The following EML6 variants were observed in gnomAD, a reference collection of about 807,000 sequenced individuals.
EML6 encodes EMAP like 6, also known as echinoderm microtubule-associated protein-like 6.
A neutral mutation model predicts 240.1 loss-of-function variants in EML6; 154 were observed. The observed-to-expected ratio is 0.64, with a 90% CI of 0.56 to 0.73. The LOEUF is 0.73. Among genes scored for constraint, EML6 ranks in the 30% least tolerant of loss-of-function variants. EML6 has a pLI of 0.00. For missense variants in EML6, 2,964 were observed against 2,474.6 expected (o/e 1.20, Z -4.20); for synonymous variants, 1,148 against 899.0 (o/e 1.28, Z -4.95).
intron 26 of EML6, among the ~76,000 whole-genome samples, chr2:54,923,399 ACACAC>A (rs1396779314): frequency 5.9e-5 from 9 of 151,612 alleles, no homozygotes; most frequent in African/African-American, 2.2e-4. Context: ...ACACACACAC[ACACAC>A]AATGGTAACT....
chr2:54,843,094 A>G (rs190510783), intron 7 of EML6, among the ~76,000 whole-genome samples: 101 of 152,316 alleles, frequency 6.6e-4, no homozygotes, highest in Non-Finnish European at 1.0e-3. Flanking sequence ...TGTTATTCCT[A>G]AAGGTTGAAC....
chr2:54,790,872 C>T (rs1210802037), intron 2 of EML6, among the ~76,000 whole-genome samples: 6 of 151,872 alleles, frequency 4.0e-5, no homozygotes, highest in African/African-American at 1.5e-4. Flanking sequence ...ACTACAGGCG[C>T]CTGCCACCGC....
intron 16 of EML6, among the ~76,000 whole-genome samples, chr2:54,873,305 T>G (rs978790292): frequency 6.6e-6 from 1 of 152,212 alleles, no homozygotes; most frequent in Non-Finnish European, 1.5e-5. Context: ...ATTATCAAAT[T>G]GGTAAAAATC....
At chr2:54,904,304 C>A (rs1673205171) in intron 24 of EML6, among the ~76,000 whole-genome samples, 1 of 152,162 alleles carries the variant, frequency 6.6e-6, no homozygotes, top group South Asian at 2.1e-4. Context: ...TAGGGTGAGT[C>A]ACTCGTAAAT....
chr2:54,860,240 G>GTGGAC (rs995403836), intron 12 of EML6, among the ~76,000 whole-genome samples: 4 of 152,254 alleles, frequency 2.6e-5, no homozygotes, highest in African/African-American at 9.6e-5. Flanking sequence ...TAGGTTACCC[G>GTGGAC]TGGACTGGCT....
chr2:54,777,329 G>T (rs1022521379), intron 2 of EML6, among the ~76,000 whole-genome samples: 1 of 152,188 alleles, frequency 6.6e-6, no homozygotes, highest in African/African-American at 2.4e-5. Flanking sequence ...CAGCTGCTCT[G>T]CAGGATATCA....
At chr2:54,960,935 A>C (rs1676466119) in intron 35 of EML6, among the ~76,000 whole-genome samples, 1 of 152,124 alleles carries the variant, frequency 6.6e-6, no homozygotes, top group African/African-American at 2.4e-5. Context: ...AAATTCCCCC[A>C]GGAGATTTGA....
chr2:54,777,833 G>C (rs1167147948), intron 2 of EML6, among the ~76,000 whole-genome samples: 1 of 151,886 alleles, frequency 6.6e-6, no homozygotes, highest in Non-Finnish European at 1.5e-5. Flanking sequence ...CCAAGATGTG[G>C]GTTATTTGAG....
chr2:54,810,901 G>A lies in EML6; in HGVS notation c.198-2331G>A, dbSNP rs536773296. ...TGGTTTCCCCACTAAAAATTGGATA[G>A]TTAGGCCATCTTTTCCCAGGATCAG... is the stretch of plus-strand genomic sequence containing the variant. On this transcript the variant is annotated intron_variant, in intron 2 of 41. Transcript: ENST00000356458. 3.0e-4 allele frequency among the ~76,000 whole-genome samples: 46 copies of A among 152,270 alleles called. 1 individual carries two copies. Among genetic ancestry groups the A allele is most frequent in the Admixed American group, 1.4e-3 (22 of 15,284 alleles).
Position 54,903,088 on chromosome 2 carries a change from G to A in EML6, c.3169G>A (p.Val1057Ile), listed in dbSNP as rs763669607. 34 of 1,551,684 alleles carry A rather than the reference G, an allele frequency of 2.2e-5. No homozygotes were observed. Among genetic ancestry groups the A allele is most frequent in the Admixed American group, 3.9e-5 (2 of 50,988 alleles). The change falls in exon 23 of 42, where the codon GTT becomes ATT. Residue 1057 changes from valine (V) to isoleucine (I), a missense_variant. Coordinates refer to ENST00000356458, the MANE Select transcript of EML6 (RefSeq NM_001039753.4). Reference sequence around the variant, plus strand: ...TTCCCCTGATGGGAAAGCCTTAGCGGTTGGCTTGAACGATGGGAGTTTCCT... The same window carrying A: ...TTCCCCTGATGGGAAAGCCTTAGCGATTGGCTTGAACGATGGGAGTTTCCT... The part of the protein sequence containing the change: ...AFSPDGKALA[V>I]GLNDGSFLVV...
chr2:54,729,597 T>G, intron 2 of EML6, among the ~76,000 whole-genome samples: 1 of 152,222 alleles, frequency 6.6e-6, no homozygotes, highest in South Asian at 2.1e-4. Flanking sequence ...TGTCACTGTC[T>G]GGCAGACTGT....
Position 54,928,441 on chromosome 2 carries a change from G to A in EML6, c.3804G>A (p.Arg1268=). Residue 1268 remains arginine, a synonymous_variant, in exon 27 of 42, where the codon AGG becomes AGA. Transcript: ENST00000356458. The part of the protein sequence containing the change: ...GADTALMIWT[R]EFVGTQESKL... The stretch of plus-strand genomic sequence containing the variant: ...ACACAGCCCTGATGATCTGGACCAG[G>A]GAGTTTGTGGGGACCCAGGAGAGCA... The A allele has an allele frequency of 1.3e-6, 2 of 1,551,012 alleles. No homozygotes were observed. The highest frequency in any genetic ancestry group is 1.7e-6 in the Non-Finnish European group (2 of 1,146,576).
At chr2:54,818,360 C>G (rs1035323057) in intron 4 of EML6, among the ~76,000 whole-genome samples, 1 of 152,194 alleles carries the variant, frequency 6.6e-6, no homozygotes. Flanking sequence ...AGTGACCAAA[C>G]TGAAAATTTA....
chr2:54,929,561 A>T (rs1487988408), intron 28 of EML6, among the ~76,000 whole-genome samples: 2 of 152,202 alleles, frequency 1.3e-5, no homozygotes, highest in African/African-American at 4.8e-5. Context: ...TGTTGACAAT[A>T]CGCTGGTCCC....
chr2:54,796,944 T>G (rs1368094577), intron 2 of EML6, among the ~76,000 whole-genome samples: 4 of 151,706 alleles, frequency 2.6e-5, no homozygotes, highest in Admixed American at 2.6e-4. Context: ...GTGGGCAATC[T>G]CGAGGTCAGG....
intron 2 of EML6, among the ~76,000 whole-genome samples, chr2:54,782,872 A>T (rs1253599125): frequency 6.6e-6 from 1 of 152,200 alleles, no homozygotes; most frequent in African/African-American, 2.4e-5. Context: ...CTATGGTGAA[A>T]ACCAGGCGTC....
At position 54,920,032 on chromosome 2, in the gene EML6, C is replaced by T. The variant is rs1674139183; in HGVS notation, c.3675+3097C>T. ...ATAGTGAACTAATAGAAACCCACAA[C>T]CTAAATTCTGTAATTTAAAGTAAAC... On this transcript the variant is annotated intron_variant, in intron 26 of 41. Transcript: ENST00000356458. Among the ~76,000 whole-genome samples the T allele has an allele frequency of 3.3e-5, 5 of 152,138 alleles. No homozygotes were observed. In the South Asian group the frequency reaches 1.0e-3, roughly 32 times the overall value.
intron 31 of EML6, among the ~76,000 whole-genome samples, chr2:54,953,615 G>A (rs1448676043): frequency 1.3e-5 from 2 of 152,080 alleles, no homozygotes; most frequent in Non-Finnish European, 2.9e-5. Context: ...TTGCAGGCCG[G>A]GCGGCAGTGG....
At chr2:54,779,865 G>GAAAAAAAAAAAAAA (rs3036161) in intron 2 of EML6, among the ~76,000 whole-genome samples, 2 of 113,152 alleles carry the variant, frequency 1.8e-5, no homozygotes, top group African/African-American at 3.0e-5. Flanking sequence ...CAAAAAAAAA[G>GAAAAAAAAAAAAAA]AAAAAAAAAA....
Sources: gnomAD v4.1 joint callset for allele counts (sites outside exome capture counted in the v4.1 genomes callset) on GRCh38, gnomAD v4.1.1 for gene constraint, MANE v1.5 for transcripts, NCBI Gene and HGNC (gene_info 2026-07-23, HGNC 2026-07-21) for gene names.